Variants in SYNE2 observed in about 807,000 individuals in gnomAD.
SYNE2 encodes the protein nesprin-2.
In SYNE2, 431 loss-of-function variants were observed where a neutral mutation model predicts 856.3. That is an observed-to-expected ratio of 0.50 (90% confidence interval 0.47 to 0.55). SYNE2 has a LOEUF of 0.55. SYNE2 is among the 20% of genes least tolerant of loss of function. SYNE2 has a pLI of 0.00. For missense variants in SYNE2, 8,129 were observed against 8,023.2 expected (o/e 1.01, Z -0.50); for synonymous variants, 2,923 against 2,872.3 (o/e 1.02, Z -0.56).
chr14:64,150,321 A>AAAG (rs766798501), intron 84 of SYNE2, among the ~76,000 whole-genome samples: 2 of 119,490 alleles, frequency 1.7e-5, no homozygotes, highest in Admixed American at 9.3e-5. Flanking sequence ...AAAAAAAAAA[A>AAAG]GGATCCTCCC....
At chr14:64,002,242 T>C (rs1196703722) in intron 29 of SYNE2, among the ~76,000 whole-genome samples, 161 bp downstream of exon 29, 2 of 152,236 alleles carry the variant, frequency 1.3e-5, no homozygotes, top group Admixed American at 1.3e-4. Flanking sequence ...ATTTCTTAAC[T>C]CTTTAATTCC....
At chr14:63,835,285 G>A (rs1049619944) in intron 1 of SYNE2, among the ~76,000 whole-genome samples, 1 of 152,074 alleles carries the variant, frequency 6.6e-6, no homozygotes, top group African/African-American at 2.4e-5. Context: ...CCAGGCTGGA[G>A]TACAGTGGTC....
intron 21 of SYNE2, 125 bp from the exon 22 acceptor site, chr14:63,993,699 ATCTTCAGATAT>A: frequency 2.7e-6 from 2 of 751,954 alleles, no homozygotes. Flanking sequence ...TCTCCTATAA[ATCTTCAGATAT>A]TCTTCAGAGA....
In SYNE2 at chr14:64,133,027, C is replaced by A. The variant is rs376396154; in HGVS notation, c.14514+589C>A. ...ACCATCCTGGCTAACACAGTGAAAC[C>A]CCGTCTCTACTAAAAATACAAAAAA... is the stretch of plus-strand genomic sequence containing the variant. On this transcript the variant is annotated intron_variant, in intron 77 of 115. Coordinates refer to ENST00000555002, the MANE Select transcript of SYNE2 (RefSeq NM_182914.3). 1.7e-4 allele frequency among the ~76,000 whole-genome samples: 25 copies of A among 149,090 alleles called. 1 individual carries two copies. The highest frequency in any genetic ancestry group is 3.4e-3 in the Middle Eastern group (1 of 292).
intron 66 of SYNE2, among the ~76,000 whole-genome samples, chr14:64,116,453 T>C (rs899709862): frequency 6.6e-6 from 1 of 152,138 alleles, no homozygotes; most frequent in Non-Finnish European, 1.5e-5. Flanking sequence ...GAAGTCTCGC[T>C]CTCACCCAGG....
intron 30 of SYNE2, among the ~76,000 whole-genome samples, chr14:64,005,511 T>G (rs2096789494): frequency 6.6e-6 from 1 of 152,202 alleles, no homozygotes; most frequent in Non-Finnish European, 1.5e-5. Flanking sequence ...TGGCTTTCAT[T>G]GTCCATTGTG....
intron 1 of SYNE2, among the ~76,000 whole-genome samples, chr14:63,813,593 G>A (rs1456753881): frequency 6.6e-6 from 1 of 151,198 alleles, no homozygotes; most frequent in Non-Finnish European, 1.5e-5. Context: ...AGGAGTTCAA[G>A]ACTAGCCTGG....
intron 12 of SYNE2, 25 bp downstream of exon 12, chr14:63,976,752 T>C (rs1004792974): frequency 1.2e-6 from 2 of 1,606,918 alleles, no homozygotes; most frequent in Non-Finnish European, 1.7e-6. Context: ...AAAAGAGATG[T>C]AGGAAAATAC....
At position 64,220,482 on chromosome 14, in the gene SYNE2, G is replaced by A. The variant is rs777399850; in HGVS notation, c.19906G>A (p.Val6636Ile). 6.2e-7 allele frequency: 1 copy of A among 1,614,212 alleles called. No individual in the cohort carries two copies. The highest frequency in any genetic ancestry group is 1.1e-5 in the South Asian group (1 of 91,088). ...FDTYKALVVS[V>I]NVSSKEFLQT... ...CACTTACAAGGCATTAGTGGTCTCT[G>A]TCAACGTGAGCAGCAAGGAATTTCT... The change falls in exon 111 of 116, where the codon GTC becomes ATC. Residue 6636 changes from valine to isoleucine, a missense_variant. Coordinates refer to ENST00000555002, the MANE Select transcript of SYNE2 (RefSeq NM_182914.3).
At chr14:63,779,787 T>A (rs1887243821) in intron 1 of SYNE2, among the ~76,000 whole-genome samples, 1 of 152,080 alleles carries the variant, frequency 6.6e-6, no homozygotes, top group Non-Finnish European at 1.5e-5. Flanking sequence ...GCCACGTGCC[T>A]GTAATCCCAG....
chr14:64,092,304 G>T (rs898852387), intron 60 of SYNE2, among the ~76,000 whole-genome samples: 3 of 149,426 alleles, frequency 2.0e-5, no homozygotes, highest in Non-Finnish European at 2.9e-5. Context: ...CCATCTCATT[G>T]TGCTGGTGGC....
intron 45 of SYNE2, among the ~76,000 whole-genome samples, chr14:64,047,221 C>G (rs1367998133): frequency 6.6e-6 from 1 of 152,176 alleles, no homozygotes; most frequent in Non-Finnish European, 1.5e-5. Context: ...GTGGTCTTCC[C>G]TGAAGTCAGG....
chr14:63,986,669 T>A (rs1362687422), intron 19 of SYNE2, 52 bp downstream of exon 19: 2 of 1,588,908 alleles, frequency 1.3e-6, no homozygotes, highest in South Asian at 2.2e-5. Context: ...GCATTTATGT[T>A]TTAAGTTAAA....
In SYNE2 at chr14:64,219,173, A is replaced by ATTGCTTTTTTTAATTGGCGATT. The variant is rs1276001369; in HGVS notation, c.19658-32_19658-11dup. The stretch of plus-strand genomic sequence containing the variant: ...TGGAGGCAGAGAAATCTGTTGCATT[A>ATTGCTTTTTTTAATTGGCGATT]TTGCTTTTTTTAATTGGCGATTTTT... On this transcript the variant is annotated intron_variant, in intron 109 of 115. Coordinates refer to ENST00000555002, the MANE Select transcript of SYNE2 (RefSeq NM_182914.3). The ATTGCTTTTTTTAATTGGCGATT allele has an allele frequency of 2.6e-6, 4 of 1,514,250 alleles. No individual in the cohort carries two copies. The Admixed American group carries it at 5.4e-5, about 21-fold the overall frequency. 93.8% of individuals were successfully genotyped at this position (1,514,250 alleles called of 1,614,324 possible). A position where few individuals can be genotyped will look rare whatever the true frequency, so the allele number is the denominator to read the frequency against.
At chr14:64,126,901 T>G in intron 73 of SYNE2, 94 bp downstream of exon 73, 1 of 1,259,404 alleles carries the variant, frequency 7.9e-7, no homozygotes, top group South Asian at 1.3e-5. Flanking sequence ...CATTTGTTAA[T>G]AAGAATTGCT....
intron 98 of SYNE2, 84 bp from the exon 99 acceptor site, chr14:64,189,987 C>A: frequency 1.8e-4 from 227 of 1,230,416 alleles, no homozygotes; most frequent in Non-Finnish European, 2.2e-4. Flanking sequence ...TTTTTAATTT[C>A]AAGAGGTAAC....
At chr14:64,142,221 GAT>G (rs2098144008) in intron 82 of SYNE2, 133 bp downstream of exon 82, 1 of 1,046,458 alleles carries the variant, frequency 9.6e-7, no homozygotes, top group East Asian at 2.6e-5. Flanking sequence ...TGGGGTGGTG[GAT>G]GATTCTGGAG....
chr14:64,050,910 A>T (rs1376865731), intron 47 of SYNE2, among the ~76,000 whole-genome samples: 1 of 151,700 alleles, frequency 6.6e-6, no homozygotes, highest in Non-Finnish European at 1.5e-5. Context: ...TATTCTAGCT[A>T]CTTGGGAGGC....
chr14:64,015,634 G>C (rs530455823), intron 32 of SYNE2, among the ~76,000 whole-genome samples: 20 of 151,984 alleles, frequency 1.3e-4, no homozygotes, highest in Admixed American at 9.2e-4. Context: ...AAAAGAACTA[G>C]CTCTTTATTT....
Sources: allele counts gnomAD v4.1 joint callset (sites outside exome capture counted in the v4.1 genomes callset), GRCh38; gene constraint gnomAD v4.1.1; transcripts MANE v1.5; gene names NCBI Gene and HGNC (gene_info 2026-07-23, HGNC 2026-07-21).